SPG11: variants seen among roughly 807,000 people sequenced by gnomAD.
SPG11 encodes the protein SPG11 vesicle trafficking associated, spatacsin, also known as spatacsin.
SPG11 carries 222 observed loss-of-function variants against 274.0 expected under a neutral mutation model. The ratio of observed to expected loss-of-function variants is 0.81; its 90% CI spans 0.73 to 0.91. SPG11 has a LOEUF of 0.91. SPG11 is among the 40% of genes least tolerant of loss of function. The probability of loss-of-function intolerance (pLI) is 0.00; values close to 1 mark genes in which losing one functional copy is unlikely to be tolerated. For missense variants in SPG11, 3,114 were observed against 2,872.7 expected, an observed-to-expected ratio of 1.08 and a Z score of -1.92; for synonymous variants, 1,144 against 1,039.7, an observed-to-expected ratio of 1.10 and a Z score of -1.93.
intron 7 of SPG11, among the ~76,000 whole-genome samples, chr15:44,647,389 A>G (rs2084638774): frequency 6.6e-6 from 1 of 152,162 alleles, no homozygotes; most frequent in Admixed American, 6.6e-5. Context: ...AAAATAATAA[A>G]TGACCCAGTA....
chr15:44,610,811 C>G, intron 18 of SPG11, 29 bp downstream of exon 18: 2 of 1,603,210 alleles, frequency 1.2e-6, no homozygotes, highest in Non-Finnish European at 8.5e-7. Flanking sequence ...AAAAATCAGT[C>G]CTATTTTGTC....
chr15:44,569,427 C>G lies in SPG11; in HGVS notation c.6556G>C (p.Glu2186Gln). Reference protein sequence around the residue: ...FDLLHKKHYFEVLMRKKLDPS... With the variant: ...FDLLHKKHYFQVLMRKKLDPS... ...TCCAACTTCTTCCTCATTAGCACTTCAAAGTAGTGCTTTTTATGCAGCAAA... is the reference window on the plus strand; with the variant it reads ...TCCAACTTCTTCCTCATTAGCACTTGAAAGTAGTGCTTTTTATGCAGCAAA... Residue 2186 changes from glutamate (E) to glutamine (Q), a missense_variant, in exon 35 of 40, where the codon GAA (glutamate) becomes CAA (glutamine). Physicochemically the swap from Glu to Gln is conservative, Grantham distance 29. Transcript: ENST00000261866. 3 of 1,606,344 alleles carry G rather than the reference C, an allele frequency of 1.9e-6. No homozygotes were observed. The highest frequency in any genetic ancestry group is 1.7e-6 in the Non-Finnish European group (2 of 1,175,760).
chr15:44,572,612 T>C, intron 33 of SPG11, 71 bp downstream of exon 33: 1 of 1,554,738 alleles, frequency 6.4e-7, no homozygotes, highest in Admixed American at 1.7e-5. Flanking sequence ...AAATCAAGTT[T>C]TGGAGAGACT....
At chr15:44,575,918 G>A (rs1267283715) in intron 30 of SPG11, among the ~76,000 whole-genome samples, 1 of 151,822 alleles carries the variant, frequency 6.6e-6, no homozygotes, top group Non-Finnish European at 1.5e-5. Context: ...TGAGGCGGGC[G>A]GATCACTTGA....
At chr15:44,597,053 A>G in intron 23 of SPG11, 110 bp from the exon 24 acceptor site, 1 of 998,796 alleles carries the variant, frequency 1.0e-6, no homozygotes, top group Non-Finnish European at 1.5e-6. Flanking sequence ...ATTAAAGCAC[A>G]GTGTATTCTC....
chr15:44,598,541 A>T, intron 22 of SPG11, 90 bp downstream of exon 22: 1 of 1,379,726 alleles, frequency 7.2e-7, no homozygotes, highest in Non-Finnish European at 1.0e-6. Flanking sequence ...CAAGAAGATA[A>T]CCATTTTCTC....
At chr15:44,643,870 T>C (rs1484581423) in intron 7 of SPG11, among the ~76,000 whole-genome samples, 1 of 151,908 alleles carries the variant, frequency 6.6e-6, no homozygotes, top group Admixed American at 6.6e-5. Context: ...AATATAGATA[T>C]AAAAATTCTC....
chr15:44,639,276 T>TACACACAC (rs71111873), intron 7 of SPG11, among the ~76,000 whole-genome samples: 50 of 138,368 alleles, frequency 3.6e-4, no homozygotes, highest in African/African-American at 1.2e-3. Flanking sequence ...CACAAAGAGA[T>TACACACAC]ACACACACAC....
intron 7 of SPG11, 125 bp downstream of exon 7, chr15:44,648,741 T>C: frequency 2.7e-6 from 3 of 1,108,628 alleles, no homozygotes; most frequent in South Asian, 2.6e-5. Context: ...ACTGTTTAAA[T>C]AGATATACAA....
At chr15:44,593,193 T>C (rs1290092405) in intron 26 of SPG11, among the ~76,000 whole-genome samples, 1 of 152,102 alleles carries the variant, frequency 6.6e-6, no homozygotes, top group Non-Finnish European at 1.5e-5. Context: ...ACCTTTATTA[T>C]TATTTTTTAT....
chr15:44,587,557 G>T lies in SPG11; in HGVS notation c.4906+1695C>A, dbSNP rs187632139. On this transcript the variant is annotated intron_variant, in intron 28 of 39. Transcript: ENST00000261866. Reference sequence around the variant, plus strand: ...ATACAAAAATTAGCCAGGTGTGGTGGTGTGTGCCTGTAATTCCAGCTATTC... The same window carrying T: ...ATACAAAAATTAGCCAGGTGTGGTGTTGTGTGCCTGTAATTCCAGCTATTC... Among the ~76,000 whole-genome samples, 201 of 151,988 alleles carry T rather than the reference G, an allele frequency of 1.3e-3. 1 individual carries two copies. Among genetic ancestry groups the T allele is most frequent in the South Asian group, 3.5e-3 (17 of 4,812 alleles).
Position 44,598,719 on chromosome 15 carries a change from G to C in SPG11, c.3804C>G (p.Leu1268=), listed in dbSNP as rs1340440088. The part of the protein sequence containing the change: ...LELLGLDSLK[L]RVDMKVANII... ...TATTGGCCACTTTCATATCAACTCT[G>C]AGCTTGAGGCTGTCAAGGCCAAGCA... Residue 1268 remains leucine, a synonymous_variant, in exon 22 of 40, where the codon CTC becomes CTG. Coordinates refer to ENST00000261866, the MANE Select transcript of SPG11 (RefSeq NM_025137.4). 10 of 1,614,144 alleles carry C rather than the reference G, an allele frequency of 6.2e-6. No homozygotes were observed. Among genetic ancestry groups the C allele is most frequent in the Non-Finnish European group, 8.5e-6 (10 of 1,180,034 alleles).
chr15:44,630,756 T>G (rs2084038169), intron 8 of SPG11, among the ~76,000 whole-genome samples: 1 of 152,064 alleles, frequency 6.6e-6, no homozygotes, highest in Non-Finnish European at 1.5e-5. Context: ...ATTTTTGTAT[T>G]TTTAGTAGAA....
chr15:44,577,736 G>A (rs1017766225), intron 30 of SPG11, among the ~76,000 whole-genome samples: 1 of 152,054 alleles, frequency 6.6e-6, no homozygotes, highest in African/African-American at 2.4e-5. Flanking sequence ...AAAGTAGCAG[G>A]CAAACTGAAG....
chr15:44,661,841 A>G (rs1186452239), intron 1 of SPG11, among the ~76,000 whole-genome samples: 1 of 152,244 alleles, frequency 6.6e-6, no homozygotes, highest in African/African-American at 2.4e-5. Context: ...TTGAAAAAGT[A>G]GGAAGTAAAC....
chr15:44,570,573 G>A lies in SPG11; in HGVS notation c.6429C>T (p.His2143=), dbSNP rs1176600001. ...EGIIRVLQAA[H]MLTDNHLAPS... is the part of the protein sequence containing the mutation. ...GGGCCAGGTGGTTATCTGTGAGCAT[G>A]TGGGCGGCCTGTAGGACTCGGATGA... The change falls in exon 34 of 40, where the codon CAC becomes CAT. Residue 2143 remains histidine, a synonymous_variant. Coordinates refer to ENST00000261866, the MANE Select transcript of SPG11 (RefSeq NM_025137.4). The A allele has an allele frequency of 6.2e-7, 1 of 1,614,078 alleles. No individual in the cohort carries two copies. Among genetic ancestry groups the A allele is most frequent in the African/African-American group, 1.3e-5 (1 of 74,944 alleles).
At chr15:44,628,371 G>C (rs1221180222) in intron 10 of SPG11, among the ~76,000 whole-genome samples, 1 of 152,240 alleles carries the variant, frequency 6.6e-6, no homozygotes, top group Admixed American at 6.5e-5. Flanking sequence ...GAGCCAATGA[G>C]GGAGTATTGC....
intron 30 of SPG11, among the ~76,000 whole-genome samples, chr15:44,580,544 C>T (rs1350072406): frequency 1.4e-4 from 22 of 152,298 alleles, no homozygotes; most frequent in Non-Finnish European, 2.5e-4. Context: ...TTTGGGAGGC[C>T]GACGCGGGCA....
chr15:44,575,155 C>G lies in SPG11; in HGVS notation c.5867-114G>C, dbSNP rs868708035. The G allele has an allele frequency of 1.7e-4, 224 of 1,321,546 alleles. 2 individuals carry two copies. The Middle Eastern group carries it at 1.8e-3, about 11-fold the overall frequency. 81.9% of individuals were successfully genotyped at this position (1,321,546 alleles called of 1,614,324 possible). A position where few individuals can be genotyped will look rare whatever the true frequency, so the allele number is the denominator to read the frequency against. ...CTCCCTGCACTGCACTCCCATTACT[C>G]TGACTGGGGATAGGACCACTGCTGA... is the stretch of plus-strand genomic sequence containing the variant. On this transcript the variant is annotated intron_variant, in intron 30 of 39. Coordinates refer to ENST00000261866, the MANE Select transcript of SPG11 (RefSeq NM_025137.4).
Sources: gnomAD v4.1 joint callset for allele counts (sites outside exome capture counted in the v4.1 genomes callset) on GRCh38, gnomAD v4.1.1 for gene constraint, MANE v1.5 for transcripts, NCBI Gene and HGNC (gene_info 2026-07-23, HGNC 2026-07-21) for gene names.